BMAL1: variants seen among roughly 807,000 people sequenced by gnomAD.
The protein encoded by BMAL1 is basic helix-loop-helix ARNT like 1, also known as basic helix-loop-helix ARNT-like protein 1.
chr11:13,277,344 C>T, the BMAL1 span, among the ~76,000 whole-genome samples: 1 of 152,072 alleles, frequency 6.6e-6, no homozygotes, highest in Non-Finnish European at 1.5e-5. Flanking sequence ...GAGGGACATC[C>T]CGGGCGACCC....
At chr11:13,347,790 C>A in the BMAL1 span, among the ~76,000 whole-genome samples, 1 of 152,172 alleles carries the variant, frequency 6.6e-6, no homozygotes, top group African/African-American at 2.4e-5. Context: ...ATGGAGATTG[C>A]AGTGAGCCGA....
the BMAL1 span, among the ~76,000 whole-genome samples, chr11:13,283,647 C>G: frequency 6.6e-6 from 1 of 152,140 alleles, no homozygotes; most frequent in African/African-American, 2.4e-5. Flanking sequence ...TGCCAGGAGC[C>G]TAGTAGGCTG....
chr11:13,353,620 C>G, the BMAL1 span: 1 of 152,166 alleles, frequency 6.6e-6, no homozygotes, highest in Admixed American at 6.5e-5. Context: ...GAGTTCAAGA[C>G]CAGCCTGGCC....
chr11:13,283,237 A>G, the BMAL1 span, among the ~76,000 whole-genome samples: 1 of 152,238 alleles, frequency 6.6e-6, no homozygotes, highest in Admixed American at 6.5e-5. Flanking sequence ...GGTTTTGTGC[A>G]TATACTGAAT....
At chr11:13,348,373 A>G in the BMAL1 span, among the ~76,000 whole-genome samples, 1 of 152,116 alleles carries the variant, frequency 6.6e-6, no homozygotes, top group Non-Finnish European at 1.5e-5. Context: ...CAGTGAAGCT[A>G]TTGCAGTGGT....
At chr11:13,337,574 A>G in the BMAL1 span, among the ~76,000 whole-genome samples, 50 of 152,228 alleles carry the variant, frequency 3.3e-4, no homozygotes, top group Non-Finnish European at 5.4e-4. Flanking sequence ...CAGTGTACTG[A>G]CCTGCCCATT....
At chr11:13,379,654 G>GC in the BMAL1 span, 1 of 152,212 alleles carries the variant, frequency 6.6e-6, no homozygotes, top group Middle Eastern at 3.2e-3. Flanking sequence ...GGGTGCATGG[G>GC]CCAAAGCAAG....
chr11:13,324,797 T>C, the BMAL1 span, among the ~76,000 whole-genome samples: 3 of 152,220 alleles, frequency 2.0e-5, no homozygotes, highest in Admixed American at 6.5e-5. Flanking sequence ...AGTTAATGCA[T>C]GCCTGCATGC....
chr11:13,352,624 C>G, the BMAL1 span, among the ~76,000 whole-genome samples: 1 of 152,178 alleles, frequency 6.6e-6, no homozygotes, highest in Admixed American at 6.5e-5. Flanking sequence ...TCAGTCCCAC[C>G]TTTAGAAATT....
At chr11:13,386,093 C>T in the BMAL1 span, among the ~76,000 whole-genome samples, 1 of 152,146 alleles carries the variant, frequency 6.6e-6, no homozygotes, top group East Asian at 1.9e-4. Context: ...GAGATAATGC[C>T]TAGAAGGGTG....
the BMAL1 span, chr11:13,360,513 CTG>C: frequency 8.0e-7 from 1 of 1,248,914 alleles, no homozygotes; most frequent in Non-Finnish European, 1.1e-6. Flanking sequence ...TGTTTCAACA[CTG>C]AGCTTTTTTT....
chr11:13,334,146 G>A, the BMAL1 span, among the ~76,000 whole-genome samples: 1 of 152,134 alleles, frequency 6.6e-6, no homozygotes, highest in African/African-American at 2.4e-5. Context: ...AAGGAACGAG[G>A]GCTCACATCT....
At chr11:13,288,556 G>A in the BMAL1 span, among the ~76,000 whole-genome samples, 1 of 151,532 alleles carries the variant, frequency 6.6e-6, no homozygotes, top group Non-Finnish European at 1.5e-5. Context: ...GTGGCAAGTC[G>A]GAGTTTACCT....
the BMAL1 span, among the ~76,000 whole-genome samples, chr11:13,291,509 G>A: frequency 4.6e-5 from 7 of 152,170 alleles, no homozygotes; most frequent in Non-Finnish European, 1.0e-4. Context: ...ATCTCCTAGT[G>A]TTATGACATC....
At chr11:13,304,435 C>A in the BMAL1 span, among the ~76,000 whole-genome samples, 4 of 152,200 alleles carry the variant, frequency 2.6e-5, no homozygotes, top group African/African-American at 9.7e-5. Context: ...TCACTTCCTA[C>A]CCTCAGAAGC....
chr11:13,378,276 T>C, the BMAL1 span: 1 of 1,504,714 alleles, frequency 6.6e-7, no homozygotes, highest in Non-Finnish European at 8.9e-7. Context: ...TTTACTTTAA[T>C]ACATAATAGT....
the BMAL1 span, chr11:13,358,298 T>G: frequency 2.8e-6 from 3 of 1,070,158 alleles, no homozygotes; most frequent in Non-Finnish European, 3.8e-6. Flanking sequence ...AAAAGTCTAA[T>G]TTTAAACATT....
chr11:13,376,623 T>C, the BMAL1 span: 2 of 1,613,574 alleles, frequency 1.2e-6, no homozygotes, highest in Non-Finnish European at 1.7e-6. Context: ...GTTTCCTTAT[T>C]GCTGGGATGT....
the BMAL1 span, among the ~76,000 whole-genome samples, chr11:13,351,901 CAG>C: frequency 6.6e-6 from 1 of 152,144 alleles, no homozygotes; most frequent in Non-Finnish European, 1.5e-5. Context: ...AAACTGGAGA[CAG>C]AGAAATGGGA....
Sources: gnomAD v4.1 joint callset for allele counts (sites outside exome capture counted in the v4.1 genomes callset) on GRCh38, gnomAD v4.1.1 for gene constraint, MANE v1.5 for transcripts, NCBI Gene and HGNC (gene_info 2026-07-23, HGNC 2026-07-21) for gene names.